Variants in TMC8 observed in about 807,000 individuals in gnomAD.
The protein encoded by TMC8 is transmembrane channel-like protein 8.
Under a neutral mutation model 76.0 loss-of-function variants are expected in TMC8, and 71 were observed. The observed-to-expected ratio is 0.93, with a 90% CI of 0.77 to 1.14. TMC8 has a LOEUF of 1.14. Ranked by LOEUF, TMC8 falls within the 50% of genes most tolerant of loss-of-function variation. TMC8 has a pLI of 0.00. For missense variants in TMC8, 924 were observed against 947.9 expected, an observed-to-expected ratio of 0.97 and a Z score of 0.33; for synonymous variants, 433 against 433.8, an observed-to-expected ratio of 1.00 and a Z score of 0.02.
At position 78,138,184 on chromosome 17, in the gene TMC8, A is replaced by G; in HGVS notation, c.1529A>G (p.Lys510Arg). 5.6e-6 allele frequency: 9 copies of G among 1,613,612 alleles called. No homozygotes were observed. Among genetic ancestry groups the G allele is most frequent in the Non-Finnish European group, 7.6e-6 (9 of 1,179,902 alleles). Reference protein sequence around the residue: ...SVFLFLTFYIKKYTLLKNSRA... With the variant: ...SVFLFLTFYIRKYTLLKNSRA... ...TTCCTCTTCCTCACCTTCTACATCA[A>G]GAAGGTGACGGCTCATGGCTGGGGG... Residue 510 changes from lysine (K) to arginine (R), a missense_variant, in exon 12 of 16, where the codon AAG (lysine) becomes AGG (arginine). Physicochemically the swap from Lys to Arg is conservative, Grantham distance 26. Transcript: ENST00000318430.
rs1022903031 is a variant in TMC8 at position 78,136,685 on chromosome 17, G to A, written c.1128-550G>A. 1.3e-4 allele frequency: 24 copies of A among 187,170 alleles called. No individual in the cohort carries two copies. The South Asian group carries it at 1.4e-3, about 11-fold the overall frequency. The allele number at this position is 187,170 out of a possible 1,614,324, so 11.6% of individuals were successfully genotyped here. On this transcript the variant is annotated intron_variant, in intron 9 of 15. Transcript: ENST00000318430. ...TGAAAAGGCCACAGGCTTCTCCACC[G>A]CAGGGCTTGCTGCATGTGCCTCTCC...
chr17:78,137,928 G>T (rs931655780), intron 11 of TMC8, 77 bp from the exon 12 acceptor site: 1 of 1,602,700 alleles, frequency 6.2e-7, no homozygotes, highest in Non-Finnish European at 8.5e-7. Context: ...GGAGTAAGTG[G>T]CAGGCTGTGG....
chr17:78,135,138 G>T, intron 9 of TMC8, 129 bp downstream of exon 9: 1 of 1,250,752 alleles, frequency 8.0e-7, no homozygotes, highest in African/African-American at 1.5e-5. Flanking sequence ...TGGCCCAAGG[G>T]AAGGCAGGTA....
chr17:78,141,145 G>T lies in TMC8; in HGVS notation c.*33G>T. On this transcript the variant is annotated 3_prime_UTR_variant, in exon 16 of 16. Coordinates refer to ENST00000318430, the MANE Select transcript of TMC8 (RefSeq NM_152468.5). The stretch of plus-strand genomic sequence containing the variant: ...CCCTGCCTCCCCGAAGCCTCCCTGG[G>T]GCCCCTTCAGGCCTCCTTACTCCAT... 2 of 1,507,446 alleles carry T rather than the reference G, an allele frequency of 1.3e-6. No individual in the cohort carries two copies. The highest frequency in any genetic ancestry group is 1.8e-6 in the Non-Finnish European group (2 of 1,135,898). 93.4% of individuals were successfully genotyped at this position (1,507,446 alleles called of 1,614,324 possible).
At position 78,133,980 on chromosome 17, in the gene TMC8, G is replaced by A. The variant is rs554574402; in HGVS notation, c.796G>A (p.Glu266Lys). ...GGAAGCAGCCACCATCAAGAAGCAT[G>A]AGATCAGCAACGAGTTCAAGGTGTG... Reference protein sequence around the residue: ...VQEAATIKKHEISNEFKVELE... With the variant: ...VQEAATIKKHKISNEFKVELE... Residue 266 changes from glutamate to lysine, a missense_variant, in exon 7 of 16, where the codon GAG becomes AAG. Transcript: ENST00000318430. 1 of 1,613,774 alleles carries A rather than the reference G, an allele frequency of 6.2e-7. No homozygotes were observed. Among genetic ancestry groups the A allele is most frequent in the African/African-American group, 1.3e-5 (1 of 75,080 alleles).
At chr17:78,133,729 C>G in intron 6 of TMC8, 124 bp from the exon 7 acceptor site, 1 of 1,546,208 alleles carries the variant, frequency 6.5e-7, no homozygotes, top group Non-Finnish European at 8.8e-7. Context: ...TACCCCGACT[C>G]CTCACTCACC....
At chr17:78,134,734 G>A (rs963355275) in intron 8 of TMC8, 136 bp from the exon 9 acceptor site, 125 of 1,530,818 alleles carry the variant, frequency 8.2e-5, no homozygotes, top group Non-Finnish European at 1.0e-4. Context: ...CAACTGCCAG[G>A]CTGCTGCAGG....
chr17:78,138,052 G>T lies in TMC8; in HGVS notation c.1397G>T (p.Arg466Leu), dbSNP rs559358892. ...GGCCGGTTCTGGGCCTGGCTGGAAC[G>T]GGAGGAGTTCCTGGTCCCCAAGAAT... ...FSGRFWAWLE[R>L]EEFLVPKNVL... Residue 466 changes from arginine to leucine, a missense_variant, in exon 12 of 16, where the codon CGG becomes CTG. Arg to Leu is a moderately radical substitution (Grantham distance 102). Coordinates refer to ENST00000318430, the MANE Select transcript of TMC8 (RefSeq NM_152468.5). 5 of 1,614,014 alleles carry T rather than the reference G, an allele frequency of 3.1e-6. No homozygotes were observed. In the South Asian group the frequency reaches 5.5e-5, roughly 18 times the overall value.
At chr17:78,132,967 G>A (rs2075071597) in intron 5 of TMC8, 97 bp downstream of exon 5, 6 of 1,386,638 alleles carry the variant, frequency 4.3e-6, no homozygotes, top group African/African-American at 1.4e-5. Context: ...GCTCCTCCAG[G>A]GACATTTCGG....
rs772064481 is a variant in TMC8, at chr17:78,141,064, C to T, written c.2133C>T (p.Ala711=). The T allele has an allele frequency of 2.5e-6, 4 of 1,593,232 alleles. No homozygotes were observed. Among genetic ancestry groups the T allele is most frequent in the Non-Finnish European group, 3.4e-6 (4 of 1,172,094 alleles). ...CCCCTTGCCCTGGACAGCACGGTGC[C>T]CCGGCCTCCGCCCGCAGATTCCGCT... The part of the protein sequence containing the change: ...LRSPCPGQHG[A]PASARRFRFP... Residue 711 remains alanine, a synonymous_variant, in exon 16 of 16, where the codon GCC becomes GCT. Coordinates refer to ENST00000318430, the MANE Select transcript of TMC8 (RefSeq NM_152468.5).
In TMC8 at chr17:78,131,343, T is replaced by G; in HGVS notation, c.-246T>G. The G allele has an allele frequency of 1.2e-5, 7 of 586,872 alleles. No individual in the cohort carries two copies. Among genetic ancestry groups the G allele is most frequent in the African/African-American group, 3.8e-5 (2 of 53,306 alleles). 36.4% of individuals were successfully genotyped at this position (586,872 alleles called of 1,614,324 possible). ...GAGTTGGAGCGGGGCTGGGCCCGAA[T>G]TCGACCGCAGCAGGATTCTCTCTCA... is the stretch of plus-strand genomic sequence containing the variant. On this transcript the variant is annotated 5_prime_UTR_variant, in exon 2 of 16. Coordinates refer to ENST00000318430, the MANE Select transcript of TMC8 (RefSeq NM_152468.5).
chr17:78,133,009 TGGCCTGGCC>T, intron 5 of TMC8, 139 bp downstream of exon 5: 1 of 1,003,242 alleles, frequency 1.0e-6, no homozygotes, highest in Non-Finnish European at 1.6e-6. Context: ...CTAGACAGAC[TGGCCTGGCC>T]GGTGGTGGGG....
rs1277572212 is a variant in TMC8 at position 78,134,508 on chromosome 17, G to T, written c.931G>T (p.Val311Phe). 1.2e-6 allele frequency: 2 copies of T among 1,614,102 alleles called. No homozygotes were observed. The highest frequency in any genetic ancestry group is 4.5e-5 in the East Asian group (2 of 44,876). ...RVNVLNGLLV[V>F]GAISAIFWAT... ...CAACGTACTCAACGGGCTCCTGGTGGTTGGGGCCATCAGCGCCATCTTCTG... is the reference window on the plus strand; with the variant it reads ...CAACGTACTCAACGGGCTCCTGGTGTTTGGGGCCATCAGCGCCATCTTCTG... Residue 311 changes from valine (V) to phenylalanine (F), a missense_variant, in exon 8 of 16, where the codon GTT becomes TTT. Physicochemically the swap from Val to Phe is conservative, Grantham distance 50. Coordinates refer to ENST00000318430, the MANE Select transcript of TMC8 (RefSeq NM_152468.5).
chr17:78,134,911 C>A lies in TMC8; in HGVS notation c.1029C>A (p.Val343=). Residue 343 remains valine (V), a synonymous_variant, in exon 9 of 16, where the codon GTC becomes GTA. Transcript: ENST00000318430. The part of the protein sequence containing the change: ...FLLLQYLPPG[V]IALVNFLGPL... ...TGCTCCAGTACCTGCCCCCTGGGGT[C>A]ATCGCCCTGGTCAACTTCCTGGGTC... 6.2e-7 allele frequency: 1 copy of A among 1,614,154 alleles called. No individual in the cohort carries two copies. The highest frequency in any genetic ancestry group is 8.5e-7 in the Non-Finnish European group (1 of 1,180,022).
Position 78,138,341 on chromosome 17 carries a change from G to T in TMC8, c.1534-8G>T. 6.2e-7 allele frequency: 1 copy of T among 1,610,512 alleles called. No homozygotes were observed. The highest frequency in any genetic ancestry group is 8.5e-7 in the Non-Finnish European group (1 of 1,180,004). On this transcript the variant is annotated splice_region_variant and splice_polypyrimidine_tract_variant and intron_variant, in intron 12 of 15. Transcript: ENST00000318430. ...CTGACTCCTGGTTGCTATTGCTTGC[G>T]CCCCCAGTACACCCTCCTGAAGAAC...
In TMC8 at chr17:78,139,347, C is replaced by T. The variant is rs1035708806; in HGVS notation, c.1902+107C>T. On this transcript the variant is annotated intron_variant, in intron 15 of 15. Transcript: ENST00000318430. ...TCTGAGCGGGTCAGGTGGGTTCTTCCCACTGGAGGGCGTGGCCTCAGGCTG... is the reference window on the plus strand; with the variant it reads ...TCTGAGCGGGTCAGGTGGGTTCTTCTCACTGGAGGGCGTGGCCTCAGGCTG... 4 of 1,268,030 alleles carry T rather than the reference C, an allele frequency of 3.2e-6. No homozygotes were observed. The African/African-American group carries it at 4.4e-5, about 14-fold the overall frequency. 78.5% of individuals were successfully genotyped at this position (1,268,030 alleles called of 1,614,324 possible).
intron 2 of TMC8, 36 bp downstream of exon 2, chr17:78,131,773 G>C (rs533585445): frequency 3.8e-6 from 6 of 1,559,886 alleles, no homozygotes; most frequent in Non-Finnish European, 4.3e-6. Context: ...GTGCGTGGGG[G>C]GGGTGCTGCG....
At chr17:78,138,883 G>A in intron 14 of TMC8, 151 bp downstream of exon 14, 12 of 1,538,066 alleles carry the variant, frequency 7.8e-6, no homozygotes, top group African/African-American at 1.4e-5. Context: ...AACCTCCTGG[G>A]CCCACCCTCT....
rs772730789 is a variant in TMC8 at position 78,131,958 on chromosome 17, C to T, written c.226C>T (p.Arg76Cys). 1.0e-4 allele frequency: 158 copies of T among 1,517,836 alleles called. No homozygotes were observed. Among genetic ancestry groups the T allele is most frequent in the Non-Finnish European group, 1.9e-5 (22 of 1,138,346 alleles). 94.0% of individuals were successfully genotyped at this position (1,517,836 alleles called of 1,614,324 possible). A position where few individuals can be genotyped will look rare whatever the true frequency, so the allele number is the denominator to read the frequency against. Residue 76 changes from arginine (R) to cysteine (C), a missense_variant, in exon 3 of 16, where the codon CGC becomes TGC. Transcript: ENST00000318430. ...GCGCCGGCGGCAGACGGTGGAAAGG[C>T]GCCTGCGGGAGGCAGCGCAGCGGCT... ...WQRRRQTVER[R>C]LREAAQRLAR...
Sources: allele counts gnomAD v4.1 joint callset, GRCh38; gene constraint gnomAD v4.1.1; transcripts MANE v1.5; gene names NCBI Gene and HGNC (gene_info 2026-07-23, HGNC 2026-07-21).